Variants in WDPCP observed in about 807,000 individuals in gnomAD.
The protein encoded by WDPCP is WD repeat-containing and planar cell polarity effector protein fritz homolog.
In WDPCP, 71 loss-of-function variants were observed where a neutral mutation model predicts 93.1. That is an observed-to-expected ratio of 0.76 (90% CI 0.63 to 0.93). WDPCP has a LOEUF of 0.93. Among genes scored for constraint, WDPCP ranks in the 40% least tolerant of loss-of-function variants. The pLI, the probability that WDPCP is intolerant of heterozygous loss-of-function variation, is 0.00. For synonymous variants in WDPCP, 315 were observed against 315.0 expected (o/e 1.00, Z 0.00); for missense variants, 844 against 887.4 (o/e 0.95, Z 0.62).
At chr2:63,702,986 C>T (rs1162961673) in intron 2 of WDPCP, among the ~76,000 whole-genome samples, 7 of 151,834 alleles carry the variant, frequency 4.6e-5, no homozygotes, top group Admixed American at 4.6e-4. Context: ...GTTTTTTGTC[C>T]TTGCAATAGT....
intron 12 of WDPCP, among the ~76,000 whole-genome samples, chr2:63,341,082 A>T: frequency 6.6e-6 from 1 of 151,994 alleles, no homozygotes; most frequent in African/African-American, 2.4e-5. Flanking sequence ...GGTTCATTCT[A>T]CTCTGACAGA....
chr2:63,251,461 A>G (rs930363924), intron 14 of WDPCP, among the ~76,000 whole-genome samples: 2 of 150,990 alleles, frequency 1.3e-5, no homozygotes, highest in African/African-American at 4.9e-5. Context: ...AAGTTATGAA[A>G]TTCAATCAAT....
chr2:63,786,108 C>T (rs1165226771), intron 2 of WDPCP, among the ~76,000 whole-genome samples: 1 of 152,128 alleles, frequency 6.6e-6, no homozygotes, highest in Non-Finnish European at 1.5e-5. Flanking sequence ...GGCGCAATCA[C>T]AGCTCACTGC....
intron 12 of WDPCP, among the ~76,000 whole-genome samples, chr2:63,328,654 A>G (rs989520152): frequency 3.9e-5 from 6 of 152,150 alleles, no homozygotes; most frequent in African/African-American, 1.4e-4. Context: ...GAACCCACCA[A>G]TTCCAGACAC....
chr2:63,634,622 A>G (rs1054039880), intron 3 of WDPCP, among the ~76,000 whole-genome samples: 1 of 152,242 alleles, frequency 6.6e-6, no homozygotes, highest in Non-Finnish European at 1.5e-5. Context: ...ATGTCAGGCT[A>G]CAAAACAAGT....
intron 1 of WDPCP, among the ~76,000 whole-genome samples, chr2:63,499,303 G>A (rs1055119815): frequency 1.3e-5 from 2 of 152,126 alleles, no homozygotes; most frequent in Non-Finnish European, 2.9e-5. Flanking sequence ...GCTTATTTGA[G>A]GAATAATAAG....
chr2:63,151,062 A>AACC (rs1198448043), intron 17 of WDPCP, among the ~76,000 whole-genome samples: 2 of 152,208 alleles, frequency 1.3e-5, no homozygotes, highest in Non-Finnish European at 2.9e-5. Context: ...ACATTACAAA[A>AACC]ACCATCCTAT....
intron 3 of WDPCP, among the ~76,000 whole-genome samples, chr2:63,641,122 C>T (rs1709975984): frequency 6.6e-6 from 1 of 152,128 alleles, no homozygotes; most frequent in Non-Finnish European, 1.5e-5. Flanking sequence ...TCTTTGGTTC[C>T]ATCCATGTTG....
chr2:63,396,317 G>C (rs746231897), intron 10 of WDPCP, among the ~76,000 whole-genome samples: 16 of 152,144 alleles, frequency 1.1e-4, no homozygotes, highest in Non-Finnish European at 1.9e-4. Flanking sequence ...ATTTCCAAGA[G>C]AAAAATCATA....
chr2:63,800,399 A>C (rs1480934329), intron 2 of WDPCP, among the ~76,000 whole-genome samples: 1 of 152,182 alleles, frequency 6.6e-6, no homozygotes. Context: ...AAGAAAAGTG[A>C]TTGTAAATTA....
At chr2:63,610,300 C>A (rs1709600914) in intron 3 of WDPCP, among the ~76,000 whole-genome samples, 1 of 152,104 alleles carries the variant, frequency 6.6e-6, no homozygotes. Context: ...CTGTATAAAC[C>A]TAAACCTTAA....
At chr2:63,697,421 G>A (rs924364405) in intron 2 of WDPCP, among the ~76,000 whole-genome samples, 2 of 152,118 alleles carry the variant, frequency 1.3e-5, no homozygotes, top group Admixed American at 1.3e-4. Context: ...CAAATGAAAT[G>A]TTAATCATTT....
chr2:63,413,222 C>T (rs1392288429), intron 9 of WDPCP, among the ~76,000 whole-genome samples: 1 of 152,114 alleles, frequency 6.6e-6, no homozygotes, highest in Non-Finnish European at 1.5e-5. Context: ...AACCCAAATA[C>T]TTACAGCCAA....
chr2:63,610,481 T>C (rs1338945040), intron 3 of WDPCP, among the ~76,000 whole-genome samples: 1 of 151,936 alleles, frequency 6.6e-6, no homozygotes, highest in African/African-American at 2.4e-5. Context: ...ATATATACAT[T>C]AGAAAATCAA....
intron 2 of WDPCP, among the ~76,000 whole-genome samples, chr2:63,768,134 C>T (rs1403919605): frequency 1.3e-5 from 2 of 152,006 alleles, no homozygotes; most frequent in Non-Finnish European, 2.9e-5. Flanking sequence ...CATTTATTTG[C>T]AAATAAATGT....
At chr2:63,830,034 T>G (rs1671170484), upstream of WDPCP, among the ~76,000 whole-genome samples, 1 of 152,160 alleles carries the variant, frequency 6.6e-6, no homozygotes, top group Non-Finnish European at 1.5e-5. Flanking sequence ...CTTTGAGCCA[T>G]GGCTTATACA....
chr2:63,355,276 T>C (rs1575212366), intron 12 of WDPCP, among the ~76,000 whole-genome samples: 1 of 152,006 alleles, frequency 6.6e-6, no homozygotes, highest in Non-Finnish European at 1.5e-5. Flanking sequence ...CCAGAAGAGA[T>C]TGGGCACCTA....
chr2:63,208,072 A>T (rs1192674232), intron 14 of WDPCP, among the ~76,000 whole-genome samples: 1 of 152,080 alleles, frequency 6.6e-6, no homozygotes, highest in Non-Finnish European at 1.5e-5. Context: ...ATCTTCTTTA[A>T]TCACCTCTGA....
chr2:63,313,132 G>T, intron 13 of WDPCP, 116 bp downstream of exon 13: 1 of 920,950 alleles, frequency 1.1e-6, no homozygotes, highest in Non-Finnish European at 1.7e-6. Context: ...ATGGAATAAT[G>T]CTTTCCCACC....
Sources: gnomAD v4.1 joint callset for allele counts (sites outside exome capture counted in the v4.1 genomes callset) on GRCh38, gnomAD v4.1.1 for gene constraint, MANE v1.5 for transcripts, NCBI Gene and HGNC (gene_info 2026-07-23, HGNC 2026-07-21) for gene names.